The following FARS2 variants were observed in gnomAD, a reference collection of about 807,000 sequenced individuals.
FARS2 encodes the protein phenylalanine--tRNA ligase, mitochondrial.
A neutral mutation model predicts 46.4 loss-of-function variants in FARS2; 40 were observed. The observed-to-expected ratio is 0.86, with a 90% confidence interval of 0.67 to 1.12. The LOEUF (loss-of-function observed/expected upper bound fraction) is 1.12. Ranked by LOEUF, FARS2 falls within the 50% of genes most tolerant of loss-of-function variation. The pLI is 0.00. For missense variants in FARS2, 513 were observed against 567.9 expected, an observed-to-expected ratio of 0.90 and a Z score of 0.98; for synonymous variants, 234 against 214.9, an observed-to-expected ratio of 1.09 and a Z score of -0.78.
chr6:5,403,353 T>C (rs1032108899), intron 2 of FARS2, among the ~76,000 whole-genome samples: 5 of 152,130 alleles, frequency 3.3e-5, no homozygotes, highest in Admixed American at 1.3e-4. Flanking sequence ...ATGAGTCTTT[T>C]AGGGACTCAA....
At chr6:5,408,085 G>A (rs1202726032) in intron 3 of FARS2, among the ~76,000 whole-genome samples, 1 of 151,976 alleles carries the variant, frequency 6.6e-6, no homozygotes, top group Non-Finnish European at 1.5e-5. Flanking sequence ...GTTTGGTGAG[G>A]TTTAGAAGCT....
intron 6 of FARS2, among the ~76,000 whole-genome samples, chr6:5,651,971 A>G (rs1777390388): frequency 1.3e-5 from 2 of 152,284 alleles, no homozygotes; most frequent in Middle Eastern, 3.4e-3. Flanking sequence ...AGCTGGGGGA[A>G]ACAGAACGTT....
intron 6 of FARS2, among the ~76,000 whole-genome samples, chr6:5,695,737 A>T (rs1214462305): frequency 6.6e-5 from 10 of 152,242 alleles, no homozygotes; most frequent in Admixed American, 6.5e-4. Context: ...CTAATGGGGA[A>T]CTCAGAAGCC....
chr6:5,540,765 G>A (rs558270650), intron 4 of FARS2, among the ~76,000 whole-genome samples: 22 of 152,294 alleles, frequency 1.4e-4, no homozygotes, highest in South Asian at 6.2e-4. Context: ...TGTTTGTCAC[G>A]GGGAAATGAA....
intron 6 of FARS2, among the ~76,000 whole-genome samples, chr6:5,725,389 T>C (rs2150927268): frequency 6.6e-6 from 1 of 152,282 alleles, no homozygotes; most frequent in South Asian, 2.1e-4. Context: ...GAGAAGACCT[T>C]TGAGCAGGGA....
chr6:5,251,639 C>G, the FARS2 span, among the ~76,000 whole-genome samples: 1 of 152,140 alleles, frequency 6.6e-6, no homozygotes, highest in African/African-American at 2.4e-5. Context: ...TCATGAGAAA[C>G]CTGCCCCCAT....
intron 2 of FARS2, among the ~76,000 whole-genome samples, chr6:5,404,069 C>G (rs146234530): frequency 6.6e-6 from 1 of 152,146 alleles, no homozygotes; most frequent in Non-Finnish European, 1.5e-5. Context: ...AGATAGTAAG[C>G]GGCAGAAACA....
chr6:5,706,375 C>G (rs1015919926), intron 6 of FARS2, among the ~76,000 whole-genome samples: 3 of 152,176 alleles, frequency 2.0e-5, no homozygotes, highest in African/African-American at 7.2e-5. Context: ...GAGTCTTGAT[C>G]ACCATCATGA....
intron 4 of FARS2, among the ~76,000 whole-genome samples, chr6:5,482,864 C>T (rs1766552072): frequency 6.6e-6 from 1 of 152,188 alleles, no homozygotes; most frequent in African/African-American, 2.4e-5. Flanking sequence ...TGCATGTTCT[C>T]ATTTGTAAAG....
At chr6:5,375,725 T>A (rs1482115926) in intron 2 of FARS2, among the ~76,000 whole-genome samples, 1 of 152,048 alleles carries the variant, frequency 6.6e-6, no homozygotes, top group African/African-American at 2.4e-5. Flanking sequence ...ATCACATAAG[T>A]GGGAGGTGAT....
At position 5,394,777 on chromosome 6, in the gene FARS2, A is replaced by T. The variant is rs74294894; in HGVS notation, c.613-9765A>T. ...TTAGTAAGGGACAGTGTTTTTTTTT[A>T]AAAAAAAAGCATTTGGTGTCCTTAA... is the stretch of plus-strand genomic sequence containing the variant. On this transcript the variant is annotated intron_variant, in intron 2 of 6. Coordinates refer to ENST00000274680, the MANE Select transcript of FARS2 (RefSeq NM_006567.5). Among the ~76,000 whole-genome samples the T allele has an allele frequency of 6.0e-3, 907 of 150,082 alleles. 7 individuals are homozygous for T. Among genetic ancestry groups the T allele is most frequent in the East Asian group, 0.016 (83 of 5,086 alleles).
At chr6:5,301,816 C>CACACAT (rs1384940907) in intron 1 of FARS2, among the ~76,000 whole-genome samples, 1 of 115,964 alleles carries the variant, frequency 8.6e-6, no homozygotes, top group Admixed American at 7.7e-5. Flanking sequence ...CACACACACA[C>CACACAT]ACACACACAC....
chr6:5,323,156 CAT>C (rs1429059374), intron 1 of FARS2, among the ~76,000 whole-genome samples: 2 of 152,068 alleles, frequency 1.3e-5, no homozygotes, highest in African/African-American at 4.8e-5. Flanking sequence ...ATCATATACT[CAT>C]AGAAATAGAT....
intron 6 of FARS2, among the ~76,000 whole-genome samples, chr6:5,690,380 T>C (rs536882242): frequency 3.7e-4 from 56 of 151,924 alleles, no homozygotes; most frequent in Middle Eastern, 3.4e-3. Context: ...GGAGCTCTTT[T>C]AGGGCAGGCC....
chr6:5,700,988 T>C (rs1402729081), intron 6 of FARS2, among the ~76,000 whole-genome samples: 2 of 152,254 alleles, frequency 1.3e-5, no homozygotes, highest in African/African-American at 2.4e-5. Context: ...AAGGTGTTAA[T>C]TTCTAACAAG....
chr6:5,724,641 A>G (rs371449136), intron 6 of FARS2, among the ~76,000 whole-genome samples: 4 of 152,320 alleles, frequency 2.6e-5, no homozygotes, highest in East Asian at 3.9e-4. Context: ...AGCCGAGGCT[A>G]AGACTGTCCC....
chr6:5,362,757 GTAAT>G (rs945048998), intron 1 of FARS2, among the ~76,000 whole-genome samples: 16 of 151,842 alleles, frequency 1.1e-4, no homozygotes, highest in Middle Eastern at 3.4e-3. Flanking sequence ...TTTCTTTTTG[GTAAT>G]AGCGGTTCTA....
intron 1 of FARS2, among the ~76,000 whole-genome samples, chr6:5,326,511 G>A (rs937790444): frequency 6.6e-6 from 1 of 152,196 alleles, no homozygotes; most frequent in African/African-American, 2.4e-5. Context: ...TCCACCTACA[G>A]GTATTTAGCC....
chr6:5,590,336 C>A (rs1773843705), intron 5 of FARS2, among the ~76,000 whole-genome samples: 1 of 152,196 alleles, frequency 6.6e-6, no homozygotes, highest in South Asian at 2.1e-4. Context: ...TGATGCCCAG[C>A]ACTATTCCTG....
Sources: gnomAD v4.1 joint callset for allele counts (sites outside exome capture counted in the v4.1 genomes callset) on GRCh38, gnomAD v4.1.1 for gene constraint, MANE v1.5 for transcripts, NCBI Gene and HGNC (gene_info 2026-07-23, HGNC 2026-07-21) for gene names.